Variants in PLD5 observed in about 807,000 individuals in gnomAD.
PLD5 encodes the protein phospholipase D family member 5, also known as inactive phospholipase D5.
PLD5 carries 36 observed loss-of-function variants against 61.1 expected under a neutral mutation model. The observed-to-expected ratio is 0.59, with a 90% confidence interval of 0.45 to 0.78. The LOEUF (loss-of-function observed/expected upper bound fraction) is 0.78, where lower values mean the gene tolerates loss of function less well. Among genes scored for constraint, PLD5 ranks in the 30% least tolerant of loss-of-function variants. The probability of loss-of-function intolerance (pLI) is 0.00; values close to 1 mark genes in which losing one functional copy is unlikely to be tolerated. For missense variants in PLD5, 515 were observed against 644.4 expected, an observed-to-expected ratio of 0.80 and a Z score of 2.17; for synonymous variants, 243 against 242.8, an observed-to-expected ratio of 1.00 and a Z score of -0.01.
At chr1:242,378,820 G>A (rs934628833) in intron 1 of PLD5, among the ~76,000 whole-genome samples, 1 of 151,990 alleles carries the variant, frequency 6.6e-6, no homozygotes, top group African/African-American at 2.4e-5. Context: ...CAATCTGGGT[G>A]ACAGAGTGAG....
intron 1 of PLD5, among the ~76,000 whole-genome samples, chr1:242,516,461 G>A (rs1256024852): frequency 6.6e-6 from 1 of 151,858 alleles, no homozygotes; most frequent in Non-Finnish European, 1.5e-5. Context: ...TGTTCTAGAA[G>A]CCTCATTTCA....
intron 1 of PLD5, among the ~76,000 whole-genome samples, chr1:242,394,898 T>TTATGAA (rs1663373870): frequency 9.7e-6 from 1 of 102,614 alleles, no homozygotes; most frequent in Non-Finnish European, 1.9e-5. Flanking sequence ...ATATATATGA[T>TTATGAA]TATATATGAA....
At chr1:242,098,142 T>C (rs1270725223) in intron 9 of PLD5, among the ~76,000 whole-genome samples, 1 of 152,236 alleles carries the variant, frequency 6.6e-6, no homozygotes, top group East Asian at 1.9e-4. Flanking sequence ...CTGGATAATA[T>C]CCTGCAGAGT....
rs1034134307 is a variant in PLD5 at position 242,083,132 on chromosome 1, C to A, written c.*6722G>T. The A allele has an allele frequency of 4.6e-5, 7 of 152,118 alleles. No individual in the cohort carries two copies. The highest frequency in any genetic ancestry group is 1.7e-4 in the African/African-American group (7 of 41,416). 9.4% of individuals were successfully genotyped at this position (152,118 alleles called of 1,614,324 possible). The stretch of plus-strand genomic sequence containing the variant: ...GAGCAGAATGGTGAATCAACAAGAC[C>A]TCAAATTGTCTTGACTGCAGAAGTA... On this transcript the variant is annotated 3_prime_UTR_variant, in exon 10 of 10. Coordinates refer to ENST00000536534, the MANE Select transcript of PLD5 (RefSeq NM_001372062.1).
intron 1 of PLD5, among the ~76,000 whole-genome samples, chr1:242,469,818 A>C (rs1247035878): frequency 6.6e-6 from 1 of 152,154 alleles, no homozygotes; most frequent in Non-Finnish European, 1.5e-5. Flanking sequence ...ATGGCTGCAC[A>C]ATCAGAACAG....
chr1:242,161,332 T>C (rs1264092335), intron 5 of PLD5, among the ~76,000 whole-genome samples: 11 of 152,062 alleles, frequency 7.2e-5, no homozygotes. Context: ...GTGAGACTTA[T>C]TCACTACCAT....
chr1:242,250,188 G>C (rs1325136743), intron 4 of PLD5, among the ~76,000 whole-genome samples: 1 of 152,180 alleles, frequency 6.6e-6, no homozygotes, highest in Non-Finnish European at 1.5e-5. Context: ...AAAAATCAAG[G>C]CTCAACCTGA....
In PLD5 at chr1:242,403,896, G is replaced by T. The variant is rs138615081; in HGVS notation, c.190-55654C>A. ...GAGTTTGAACTAGATGAACTCTGAG[G>T]TTCCTTCCAATTCTATGTATTATAA... On this transcript the variant is annotated intron_variant, in intron 1 of 9. Transcript: ENST00000536534. Among the ~76,000 whole-genome samples, 118 of 152,264 alleles carry T rather than the reference G, an allele frequency of 7.7e-4. 1 individual carries two copies. The highest frequency in any genetic ancestry group is 2.3e-3 in the African/African-American group (96 of 41,554).
chr1:242,492,055 T>C (rs1668172374), intron 1 of PLD5, among the ~76,000 whole-genome samples: 1 of 152,210 alleles, frequency 6.6e-6, no homozygotes, highest in Admixed American at 6.5e-5. Context: ...CATCTATTTA[T>C]TTCTTATTTT....
chr1:242,277,596 T>C (rs1674483196), intron 3 of PLD5, among the ~76,000 whole-genome samples: 1 of 150,084 alleles, frequency 6.7e-6, no homozygotes. Context: ...GTCTAATACA[T>C]TGTATGTTAT....
chr1:242,370,141 C>T lies in PLD5; in HGVS notation c.190-21899G>A, dbSNP rs188094076. ...ACAGATGGCACAGAAGAGGCACTCTCGGTCTGCAGTGATAGTCTGTGACTT... is the reference window on the plus strand; with the variant it reads ...ACAGATGGCACAGAAGAGGCACTCTTGGTCTGCAGTGATAGTCTGTGACTT... On this transcript the variant is annotated intron_variant, in intron 1 of 9. Transcript: ENST00000536534. 3.0e-4 allele frequency among the ~76,000 whole-genome samples: 45 copies of T among 152,272 alleles called. 2 individuals carry two copies. In the East Asian group the frequency reaches 3.5e-3, roughly 12 times the overall value.
At chr1:242,207,784 T>TTA (rs1553324791) in intron 5 of PLD5, among the ~76,000 whole-genome samples, 6 of 61,346 alleles carry the variant, frequency 9.8e-5, no homozygotes, top group African/African-American at 7.4e-4. Context: ...TTATATATAT[T>TTA]TATATTTATA....
Position 242,312,234 on chromosome 1 carries a change from A to ATT in PLD5, c.327-23706_327-23705dup, listed in dbSNP as rs55943187. On this transcript the variant is annotated intron_variant, in intron 2 of 9. Transcript: ENST00000536534. ...TATTTTGTTCCTTTGAACAGGCCAG[A>ATT]TTTTTTTTTTTAATTTTAATGTCTT... Among the ~76,000 whole-genome samples, 41 of 148,650 alleles carry ATT rather than the reference A, an allele frequency of 2.8e-4. 1 individual carries two copies. The highest frequency in any genetic ancestry group is 4.7e-4 in the Admixed American group (7 of 14,966).
chr1:242,171,738 T>TGCAATC (rs1558302911), intron 5 of PLD5, among the ~76,000 whole-genome samples: 1 of 147,742 alleles, frequency 6.8e-6, no homozygotes, highest in Non-Finnish European at 1.5e-5. Flanking sequence ...AGAGCAGGAG[T>TGCAATC]TGCAATCCTA....
intron 2 of PLD5, among the ~76,000 whole-genome samples, chr1:242,327,234 T>G (rs2149196290): frequency 6.6e-6 from 1 of 152,166 alleles, no homozygotes; most frequent in South Asian, 2.1e-4. Context: ...CTTGAACAGC[T>G]AGGCTCAAGA....
chr1:242,391,331 TA>T (rs1662918625), intron 1 of PLD5, among the ~76,000 whole-genome samples: 1 of 152,178 alleles, frequency 6.6e-6, no homozygotes, highest in Non-Finnish European at 1.5e-5. Flanking sequence ...CAGTGATCAT[TA>T]TTTCAGTATC....
intron 1 of PLD5, among the ~76,000 whole-genome samples, chr1:242,401,065 A>G (rs1280554916): frequency 6.6e-6 from 1 of 152,124 alleles, no homozygotes; most frequent in African/African-American, 2.4e-5. Flanking sequence ...GCAAAGCACC[A>G]TCCTTGAGAC....
chr1:242,272,376 A>G (rs1257273463), intron 3 of PLD5, among the ~76,000 whole-genome samples: 1 of 152,190 alleles, frequency 6.6e-6, no homozygotes, highest in Non-Finnish European at 1.5e-5. Context: ...TAAAAATTAT[A>G]TATTATCAAT....
chr1:242,515,400 A>C (rs1669073212), intron 1 of PLD5, among the ~76,000 whole-genome samples: 1 of 152,156 alleles, frequency 6.6e-6, no homozygotes, highest in Non-Finnish European at 1.5e-5. Flanking sequence ...TTTAGTAGAG[A>C]TGAGGTTTCA....
Sources: gnomAD v4.1 joint callset for allele counts (sites outside exome capture counted in the v4.1 genomes callset) on GRCh38, gnomAD v4.1.1 for gene constraint, MANE v1.5 for transcripts, NCBI Gene and HGNC (gene_info 2026-07-23, HGNC 2026-07-21) for gene names.